KARS1: variants seen among roughly 807,000 people sequenced by gnomAD.
The protein encoded by KARS1 is lysine--tRNA ligase.
KARS1 carries 50 observed loss-of-function variants against 63.9 expected under a neutral mutation model. That is an observed-to-expected ratio of 0.78 (90% CI 0.62 to 0.99). The LOEUF (loss-of-function observed/expected upper bound fraction) is 0.99. KARS1 is among the 50% of genes least tolerant of loss of function. The probability of loss-of-function intolerance (pLI) is 0.00; values close to 1 mark genes in which losing one functional copy is unlikely to be tolerated. For missense variants in KARS1, 816 were observed against 754.5 expected, an observed-to-expected ratio of 1.08 and a Z score of -0.95; for synonymous variants, 320 against 264.6, an observed-to-expected ratio of 1.21 and a Z score of -2.03.
chr16:75,639,960 G>A, intron 3 of KARS1: 1 of 572,178 alleles, frequency 1.7e-6, no homozygotes, highest in Non-Finnish European at 3.1e-6. Context: ...AATCCTTATA[G>A]AGAAAGCCCC....
At chr16:75,629,009 C>T in intron 12 of KARS1, 1 of 492,472 alleles carries the variant, frequency 2.0e-6, no homozygotes, top group South Asian at 2.1e-5. Context: ...GAGACTGTGA[C>T]AATTACAAGA....
rs745683760 is a variant in KARS1 at position 75,636,460 on chromosome 16, T to C, written c.476A>G (p.Asn159Ser). 2.5e-6 allele frequency: 4 copies of C among 1,605,622 alleles called. No individual in the cohort carries two copies. Among genetic ancestry groups the C allele is most frequent in the Non-Finnish European group, 2.6e-6 (3 of 1,172,216 alleles). The change falls in exon 4 of 14, where the codon AAT (asparagine) becomes AGT (serine). Residue 159 changes from asparagine to serine, a missense_variant. Coordinates refer to ENST00000302445, the MANE Select transcript of KARS1 (RefSeq NM_005548.3). ...GEGVKLQVMA[N>S]SRNYKSEEEF... ...ACTGGGTATTTCGAGATACCTGGAA[T>C]TGGCCATGACTTGCAACTTCACCCC...
chr16:75,628,493 C>A, intron 13 of KARS1, 76 bp downstream of exon 13: 2 of 1,550,080 alleles, frequency 1.3e-6, no homozygotes, highest in Non-Finnish European at 1.8e-6. Flanking sequence ...ATTTTATCCT[C>A]CAGGCCCACC....
At chr16:75,630,831 C>T (rs138042411) in intron 10 of KARS1, among the ~76,000 whole-genome samples, 301 of 152,146 alleles carry the variant, frequency 2.0e-3, no homozygotes, top group African/African-American at 6.6e-3. Flanking sequence ...GACAGGGTTT[C>T]ACCATGTTGG....
chr16:75,643,633 C>T (rs2082248828), intron 1 of KARS1, among the ~76,000 whole-genome samples: 1 of 152,166 alleles, frequency 6.6e-6, no homozygotes, highest in Admixed American at 6.5e-5. Flanking sequence ...CCTGTCTTGG[C>T]CTCCCAAAGT....
rs201650281 is a variant in KARS1, at chr16:75,635,982, G to A, written c.599C>T (p.Pro200Leu). The part of the protein sequence containing the change: ...KTKKGELSII[P>L]YEITLLSPCL... ...GGGAGACAGCAGTGTGATCTCATAC[G>A]GAATGATGCTCAGCTCACCCTTCTT... Residue 200 changes from proline (P) to leucine (L), a missense_variant, in exon 5 of 14, where the codon CCG (proline) becomes CTG (leucine). Transcript: ENST00000302445. The A allele has an allele frequency of 1.6e-4, 257 of 1,613,970 alleles. No individual in the cohort carries two copies. Among genetic ancestry groups the A allele is most frequent in the Non-Finnish European group, 1.8e-4 (216 of 1,179,978 alleles).
At chr16:75,634,855 G>GTGC in intron 6 of KARS1, among the ~76,000 whole-genome samples, 1 of 152,298 alleles carries the variant, frequency 6.6e-6, no homozygotes, top group Middle Eastern at 3.4e-3. Context: ...GATTACAGGT[G>GTGC]TGAGCCACTG....
At position 75,641,398 on chromosome 16, in the gene KARS1, C is replaced by T. The variant is rs78198545; in HGVS notation, c.222+166G>A. Among the ~76,000 whole-genome samples the T allele has an allele frequency of 4.0e-3, 603 of 152,284 alleles. 5 individuals are homozygous for T. The highest frequency in any genetic ancestry group is 0.014 in the African/African-American group (566 of 41,564). ...CTTTTGGGGGTTGACATAAAAAACA[C>T]TCAGGGTCTGTGCCTTTAACCAGAT... On this transcript the variant is annotated intron_variant, in intron 2 of 13. Transcript: ENST00000302445.
rs1443454477 is a variant in KARS1, at chr16:75,635,675, C to T, written c.795+5G>A. The T allele has an allele frequency of 1.2e-6, 2 of 1,613,756 alleles. No individual in the cohort carries two copies. The highest frequency in any genetic ancestry group is 4.5e-5 in the East Asian group (2 of 44,880). Reference sequence around the variant, plus strand: ...TCATCACGTCAGGCAAGGAACTCTCCTTACCTCTAGGAATCCCAGCTCATC... The same window carrying T: ...TCATCACGTCAGGCAAGGAACTCTCTTTACCTCTAGGAATCCCAGCTCATC... On this transcript the variant is annotated splice_donor_5th_base_variant and intron_variant, in intron 6 of 13. Coordinates refer to ENST00000302445, the MANE Select transcript of KARS1 (RefSeq NM_005548.3).
Position 75,636,565 on chromosome 16 carries a change from A to G in KARS1, c.389-18T>C. ...GATCCTACCTAGAAAAAGAAGAGCAAAAATACTGACTGACAGAACCAGAAG... is the reference window on the plus strand; with the variant it reads ...GATCCTACCTAGAAAAAGAAGAGCAGAAATACTGACTGACAGAACCAGAAG... On this transcript the variant is annotated intron_variant, in intron 3 of 13. Coordinates refer to ENST00000302445, the MANE Select transcript of KARS1 (RefSeq NM_005548.3). The G allele has an allele frequency of 1.4e-6, 2 of 1,458,608 alleles. No individual in the cohort carries two copies. Among genetic ancestry groups the G allele is most frequent in the South Asian group, 2.3e-5 (2 of 87,922 alleles). The allele number at this position is 1,458,608 out of a possible 1,614,324, so 90.4% of individuals were successfully genotyped here.
chr16:75,633,543 A>G (rs1179778169), intron 7 of KARS1, among the ~76,000 whole-genome samples: 1 of 146,216 alleles, frequency 6.8e-6, no homozygotes, highest in African/African-American at 2.5e-5. Flanking sequence ...TTTGAGACGA[A>G]GTCTCATTCT....
chr16:75,631,832 G>A lies in KARS1; in HGVS notation c.939C>T (p.Asp313=), dbSNP rs1456353129. 4.3e-6 allele frequency: 7 copies of A among 1,613,838 alleles called. No homozygotes were observed. Among genetic ancestry groups the A allele is most frequent in the Non-Finnish European group, 8.5e-7 (1 of 1,180,028 alleles). ...YHKMLVVGGI[D]RVYEIGRQFR... Reference sequence around the variant, plus strand: ...ACTGGCGTCCAATTTCATAAACCCGGTCGATGCCACCAACCACAAGCATCT... The same window carrying A: ...ACTGGCGTCCAATTTCATAAACCCGATCGATGCCACCAACCACAAGCATCT... Residue 313 remains aspartate, a synonymous_variant, in exon 8 of 14, where the codon GAC becomes GAT. Transcript: ENST00000302445.
chr16:75,642,185 C>A (rs1280560999), intron 1 of KARS1, among the ~76,000 whole-genome samples: 1 of 63,170 alleles, frequency 1.6e-5, no homozygotes, highest in Non-Finnish European at 3.6e-5. Context: ...AGTGCCAGGT[C>A]TTTTTTTTTT....
intron 11 of KARS1, among the ~76,000 whole-genome samples, chr16:75,629,971 C>T (rs1472686961): frequency 6.6e-6 from 1 of 152,220 alleles, no homozygotes; most frequent in African/African-American, 2.4e-5. Context: ...ATCTTCCTAA[C>T]AGGCCAGCGG....
In KARS1 at chr16:75,640,177, T is replaced by C. The variant is rs2082207374; in HGVS notation, c.388+7A>G. 1 of 1,612,948 alleles carries C rather than the reference T, an allele frequency of 6.2e-7. No homozygotes were observed. Among genetic ancestry groups the C allele is most frequent in the South Asian group, 1.1e-5 (1 of 91,042 alleles). On this transcript the variant is annotated splice_region_variant and intron_variant, in intron 3 of 13. Coordinates refer to ENST00000302445, the MANE Select transcript of KARS1 (RefSeq NM_005548.3). ...GAGTTCAGTGATTTGCCAGGGAGAG[T>C]TCCTACCTGCCACCTTTAAGGTGAT...
At chr16:75,640,017 G>T in intron 3 of KARS1, 167 bp downstream of exon 3, 1 of 654,628 alleles carries the variant, frequency 1.5e-6, no homozygotes, top group Non-Finnish European at 2.8e-6. Context: ...CATGTCTCAG[G>T]GCTGCTCTGC....
intron 1 of KARS1, chr16:75,644,312 G>T: frequency 6.2e-7 from 1 of 1,605,970 alleles, no homozygotes; most frequent in Admixed American, 1.7e-5. Context: ...ACTTGTCCTT[G>T]TGAGGCGCTG....
At chr16:75,633,668 C>T (rs1167462517) in intron 7 of KARS1, among the ~76,000 whole-genome samples, 1 of 152,120 alleles carries the variant, frequency 6.6e-6, no homozygotes, top group Non-Finnish European at 1.5e-5. Context: ...CAGGCACATG[C>T]CACCACGCCC....
Position 75,628,674 on chromosome 16 carries a change from A to T in KARS1, c.1590T>A (p.Asp530Glu), listed in dbSNP as rs1453123471. The change falls in exon 13 of 14, where the codon GAT (aspartate) becomes GAA (glutamate). Residue 530 changes from aspartate to glutamate, a missense_variant. Physicochemically the swap from Asp to Glu is conservative, Grantham distance 45 (BLOSUM62 2). Transcript: ENST00000302445. ...AAGDDEAMFIDENFCTALEYG... is the reference protein window; with the variant it reads ...AAGDDEAMFIEENFCTALEYG... ...ATTCCAGGGCAGTACAGAAGTTTTC[A>T]TCTATGAACATGGCCTCATCATCAC... 4 of 1,614,098 alleles carry T rather than the reference A, an allele frequency of 2.5e-6. No homozygotes were observed. The African/African-American group carries it at 5.3e-5, about 22-fold the overall frequency.
Sources: allele counts gnomAD v4.1 joint callset (sites outside exome capture counted in the v4.1 genomes callset), GRCh38; gene constraint gnomAD v4.1.1; transcripts MANE v1.5; gene names NCBI Gene and HGNC (gene_info 2026-07-23, HGNC 2026-07-21).